DNAH2: variants seen among roughly 807,000 people sequenced by gnomAD.
DNAH2 encodes dynein axonemal heavy chain 2, also known as axonemal beta dynein heavy chain 2.
Under a neutral mutation model 523.5 loss-of-function variants are expected in DNAH2, and 323 were observed. The ratio of observed to expected loss-of-function variants is 0.62; its 90% CI spans 0.56 to 0.68. The LOEUF (loss-of-function observed/expected upper bound fraction) is 0.68, where lower values mean the gene tolerates loss of function less well. Among genes scored for constraint, DNAH2 ranks in the 30% least tolerant of loss-of-function variants. The pLI is 0.00. For missense variants in DNAH2, 4,907 were observed against 5,701.5 expected (o/e 0.86, Z 4.49); for synonymous variants, 2,093 against 2,177.4 (o/e 0.96, Z 1.08).
intron 7 of DNAH2, among the ~76,000 whole-genome samples, chr17:7,736,556 G>A (rs190633439): frequency 2.2e-4 from 34 of 152,322 alleles, no homozygotes; most frequent in Admixed American, 1.2e-3. Flanking sequence ...GCACACACAT[G>A]AGAAAAGAAA....
chr17:7,757,496 T>C (rs2075878526), intron 13 of DNAH2, among the ~76,000 whole-genome samples: 1 of 152,114 alleles, frequency 6.6e-6, no homozygotes, highest in Admixed American at 6.6e-5. Context: ...ACCATATATA[T>C]TGTAGCTCTG....
chr17:7,797,102 A>T (rs1301108389), intron 50 of DNAH2, 74 bp from the exon 51 acceptor site: 2 of 152,798 alleles, frequency 1.3e-5, no homozygotes, highest in Non-Finnish European at 2.2e-5. Context: ...ACTCTGTCCC[A>T]AAAAAAAAAA....
At chr17:7,777,886 G>C (rs1203775140) in intron 33 of DNAH2, among the ~76,000 whole-genome samples, 191 bp from the exon 34 acceptor site, 5 of 152,098 alleles carry the variant, frequency 3.3e-5, no homozygotes, top group African/African-American at 4.8e-5. Flanking sequence ...ATTGGGTCGG[G>C]GTGGATGTGC....
rs558812065 is a variant in DNAH2 at position 7,731,300 on chromosome 17, C to A, written c.400-1787C>A. 1.1e-3 allele frequency among the ~76,000 whole-genome samples: 174 copies of A among 151,980 alleles called. 4 individuals carry two copies. Among genetic ancestry groups the A allele is most frequent in the Middle Eastern group, 3.4e-3 (1 of 292 alleles). ...TTCAAAGCAGTGAGCTAATAGAACT[C>A]AAAATTGAAAGTTAGTGAGAAAACT... On this transcript the variant is annotated intron_variant, in intron 4 of 85. Transcript: ENST00000572933.
At position 7,824,131 on chromosome 17, in the gene DNAH2, A is replaced by G. The variant is rs754315694; in HGVS notation, c.11489A>G (p.Asp3830Gly). 3.8e-6 allele frequency: 6 copies of G among 1,560,658 alleles called. No homozygotes were observed. The highest frequency in any genetic ancestry group is 5.2e-6 in the Non-Finnish European group (6 of 1,156,308). ...CTGTGCTTCTGGCAGGTGCTGGAGGATTCAACCCCACGATCCCCACTCGTG... is the reference window on the plus strand; with the variant it reads ...CTGTGCTTCTGGCAGGTGCTGGAGGGTTCAACCCCACGATCCCCACTCGTG... Reference protein sequence around the residue: ...PVLNMKSVLEDSTPRSPLVFI... With the variant: ...PVLNMKSVLEGSTPRSPLVFI... Residue 3830 changes from aspartate to glycine, a missense_variant, in exon 76 of 86, where the codon GAT becomes GGT. Coordinates refer to ENST00000572933, the MANE Select transcript of DNAH2 (RefSeq NM_020877.5).
chr17:7,745,588 G>A (rs1184795795), intron 12 of DNAH2, among the ~76,000 whole-genome samples: 4 of 152,212 alleles, frequency 2.6e-5, no homozygotes, highest in Middle Eastern at 3.4e-3. Context: ...AGGCCAAGGC[G>A]GGAGGATCGC....
At chr17:7,755,082 G>A (rs1231388160) in intron 12 of DNAH2, 3 of 237,720 alleles carry the variant, frequency 1.3e-5, no homozygotes, top group Non-Finnish European at 2.4e-5. Flanking sequence ...AAGTGCATAC[G>A]TTTTACAGCT....
chr17:7,818,131 T>C, intron 68 of DNAH2, 35 bp downstream of exon 68: 2 of 1,608,082 alleles, frequency 1.2e-6, no homozygotes, highest in Non-Finnish European at 1.7e-6. Context: ...CCAAGTGGGA[T>C]GCTAGGGAGG....
At chr17:7,822,900 G>A (rs576069160) in intron 73 of DNAH2, among the ~76,000 whole-genome samples, 11 of 152,204 alleles carry the variant, frequency 7.2e-5, no homozygotes, top group Admixed American at 1.3e-4. Context: ...GAGGGCGCCA[G>A]CTTCCTAAAT....
chr17:7,727,441 GGAA>G, intron 4 of DNAH2, 149 bp downstream of exon 4: 1 of 1,117,954 alleles, frequency 8.9e-7, no homozygotes, highest in East Asian at 2.9e-5. Context: ...GGCAAGGATA[GGAA>G]GAAGGATGAC....
chr17:7,775,423 C>T lies in DNAH2; in HGVS notation c.4821+81C>T, dbSNP rs943640063. 7 of 1,336,968 alleles carry T rather than the reference C, an allele frequency of 5.2e-6. No homozygotes were observed. The African/African-American group carries it at 1.0e-4, about 19-fold the overall frequency. 82.8% of individuals were successfully genotyped at this position (1,336,968 alleles called of 1,614,324 possible). A position where few individuals can be genotyped will look rare whatever the true frequency, so the allele number is the denominator to read the frequency against. ...CACCTGGGTCGGGCGCAGTGGCTCA[C>T]ACTTGTAATCCCAGCACTTTGGGAG... On this transcript the variant is annotated intron_variant, in intron 30 of 85. Transcript: ENST00000572933.
At chr17:7,747,077 T>A (rs1199937598) in intron 12 of DNAH2, among the ~76,000 whole-genome samples, 1 of 151,604 alleles carries the variant, frequency 6.6e-6, no homozygotes, top group Non-Finnish European at 1.5e-5. Context: ...ACCATGATTA[T>A]CATGTAATCA....
rs745839679 is a variant in DNAH2 at position 7,757,094 on chromosome 17, C to T, written c.1908C>T (p.Ser636=). 3 of 1,613,990 alleles carry T rather than the reference C, an allele frequency of 1.9e-6. No individual in the cohort carries two copies. Among genetic ancestry groups the T allele is most frequent in the African/African-American group, 2.7e-5 (2 of 74,934 alleles). ...GCCTGGCTGCTCTCTCTCAAAGGTC[C>T]CTTCTGATTCTCTTTGCGGAAATTG... The part of the protein sequence containing the change: ...AGMLDVNFDK[S]LLILFAEIDY... The change falls in exon 13 of 86, where the codon TCC becomes TCT. Residue 636 remains serine (S), a synonymous_variant. Transcript: ENST00000572933.
At chr17:7,743,877 A>G (rs1330922965) in intron 12 of DNAH2, 1 of 152,810 alleles carries the variant, frequency 6.5e-6, no homozygotes, top group Non-Finnish European at 1.5e-5. Flanking sequence ...CAATTAACTA[A>G]TTTATTAAAA....
intron 72 of DNAH2, among the ~76,000 whole-genome samples, chr17:7,820,100 C>T (rs1325706921): frequency 3.9e-5 from 6 of 152,156 alleles, no homozygotes; most frequent in East Asian, 1.9e-4. Context: ...TGAGCCACCA[C>T]GCCTGGCAAA....
In DNAH2 at chr17:7,809,356, C is replaced by T. The variant is rs1393150385; in HGVS notation, c.9729+1770C>T. Among the ~76,000 whole-genome samples the T allele has an allele frequency of 3.3e-5, 5 of 152,118 alleles. No homozygotes were observed. In the East Asian group the frequency reaches 9.7e-4, roughly 29 times the overall value. ...ATCCCCGTTTTTTTCCTGCTGTAGG[C>T]ATCTTTACTGTCAAAAGCTAAGCTG... On this transcript the variant is annotated intron_variant, in intron 63 of 85. Transcript: ENST00000572933.
At chr17:7,729,727 G>T (rs1341628009) in intron 4 of DNAH2, among the ~76,000 whole-genome samples, 1 of 152,210 alleles carries the variant, frequency 6.6e-6, no homozygotes, top group Non-Finnish European at 1.5e-5. Context: ...ACCACACCCG[G>T]CTTGAGCCGA....
At chr17:7,804,211 C>G (rs1158494516) in intron 58 of DNAH2, 45 bp from the exon 59 acceptor site, 1 of 1,603,522 alleles carries the variant, frequency 6.2e-7, no homozygotes, top group African/African-American at 1.3e-5. Context: ...ACCGCGCTTT[C>G]CGGAAGCCCC....
Position 7,754,548 on chromosome 17 carries a change from A to G in DNAH2, c.1905-2543A>G. 1 of 1,279,046 alleles carries G rather than the reference A, an allele frequency of 7.8e-7. No homozygotes were observed. The highest frequency in any genetic ancestry group is 1.1e-6 in the Non-Finnish European group (1 of 895,540). The allele number at this position is 1,279,046 out of a possible 1,614,324, so 79.2% of individuals were successfully genotyped here. A position where few individuals can be genotyped will look rare whatever the true frequency, so the allele number is the denominator to read the frequency against. ...CCAAGAAGCACAAAAGAAGGGCCTA[A>G]AGAAGATGCACACCAACAATGCCAA... On this transcript the variant is annotated intron_variant, in intron 12 of 85. Transcript: ENST00000572933. The surrounding 1 kb of genome is among the most constrained non-coding windows in gnomAD (Gnocchi z 4.6).
Sources: allele counts gnomAD v4.1 joint callset (sites outside exome capture counted in the v4.1 genomes callset), GRCh38; gene constraint gnomAD v4.1.1; non-coding constraint Gnocchi (gnomAD v3.1); transcripts MANE v1.5; gene names NCBI Gene and HGNC (gene_info 2026-07-23, HGNC 2026-07-21).